B3GALT1: variants seen among roughly 807,000 people sequenced by gnomAD.
B3GALT1 encodes the protein UDP-Gal:betaGlcNAc beta 1,3-galactosyltransferase, polypeptide 1.
A neutral mutation model predicts 23.2 loss-of-function variants in B3GALT1; 10 were observed. That is an observed-to-expected ratio of 0.43 (90% CI 0.27 to 0.73). The LOEUF (loss-of-function observed/expected upper bound fraction) is 0.73, where lower values mean the gene tolerates loss of function less well. B3GALT1 is among the 30% of genes least tolerant of loss of function. The pLI is 0.21. For synonymous variants in B3GALT1, 156 were observed against 141.5 expected (o/e 1.10, Z -0.73); for missense variants, 299 against 405.4 (o/e 0.74, Z 2.25).
chr2:167,384,763 T>C (rs1311335730), intron 1 of B3GALT1, among the ~76,000 whole-genome samples: 1 of 152,142 alleles, frequency 6.6e-6, no homozygotes, highest in African/African-American at 2.4e-5. Context: ...CTTTCTCTCA[T>C]TGAAGCCAGC....
intron 3 of B3GALT1, among the ~76,000 whole-genome samples, chr2:167,729,340 C>G (rs944604011): frequency 6.6e-6 from 1 of 152,186 alleles, no homozygotes; most frequent in African/African-American, 2.4e-5. Flanking sequence ...ATGGCACACT[C>G]ATTACTATGC....
At chr2:167,859,093 CCT>C (rs1690051437) in intron 4 of B3GALT1, among the ~76,000 whole-genome samples, 1 of 152,058 alleles carries the variant, frequency 6.6e-6, no homozygotes, top group African/African-American at 2.4e-5. Flanking sequence ...GGATGTCTTT[CCT>C]CTCATCCTCT....
intron 1 of B3GALT1, among the ~76,000 whole-genome samples, chr2:167,447,873 A>C (rs543414915): frequency 6.7e-4 from 102 of 152,174 alleles, no homozygotes; most frequent in African/African-American, 2.4e-3. Flanking sequence ...ACTGTCTGAC[A>C]AGCCCCAGTG....
At chr2:167,827,390 A>C (rs1048648728) in intron 4 of B3GALT1, among the ~76,000 whole-genome samples, 4 of 152,224 alleles carry the variant, frequency 2.6e-5, no homozygotes, top group African/African-American at 4.8e-5. Context: ...GTCAGTTGGA[A>C]ATATGACGAG....
chr2:167,354,938 T>G lies in B3GALT1; in HGVS notation c.-511+61604T>G, dbSNP rs149729884. On this transcript the variant is annotated intron_variant, in intron 1 of 4. Coordinates refer to ENST00000392690, the MANE Select transcript of B3GALT1 (RefSeq NM_020981.4). ...AGCAAATTGGTTTGCCAGAATGTGC[T>G]ATGCAGAGTCTAGACTGACACCATG... is the stretch of plus-strand genomic sequence containing the variant. Among the ~76,000 whole-genome samples, 1,148 of 152,334 alleles carry G rather than the reference T, an allele frequency of 7.5e-3. 19 individuals carry two copies. Among genetic ancestry groups the G allele is most frequent in the African/African-American group, 0.027 (1,104 of 41,582 alleles).
intron 1 of B3GALT1, among the ~76,000 whole-genome samples, chr2:167,319,762 A>T (rs1014814405): frequency 9.9e-5 from 15 of 152,150 alleles, no homozygotes; most frequent in Admixed American, 9.2e-4. Flanking sequence ...AAAACATCCT[A>T]TTAATGATTT....
At chr2:167,858,287 T>A (rs1280364545) in intron 4 of B3GALT1, among the ~76,000 whole-genome samples, 2 of 149,850 alleles carry the variant, frequency 1.3e-5, no homozygotes, top group South Asian at 2.1e-4. Flanking sequence ...AAGCTTCTTA[T>A]GAAAACGGTC....
chr2:167,807,230 G>T (rs940601186), intron 3 of B3GALT1, among the ~76,000 whole-genome samples: 1 of 151,856 alleles, frequency 6.6e-6, no homozygotes, highest in Non-Finnish European at 1.5e-5. Context: ...TCTTGCTAAC[G>T]GTCTATCAAT....
intron 3 of B3GALT1, among the ~76,000 whole-genome samples, chr2:167,776,884 A>G (rs1033371344): frequency 6.6e-6 from 1 of 152,114 alleles, no homozygotes; most frequent in Admixed American, 6.5e-5. Context: ...TCTTTGAAAA[A>G]AAACCTTACT....
chr2:167,728,639 T>G (rs1405894519), intron 3 of B3GALT1, among the ~76,000 whole-genome samples: 1 of 152,218 alleles, frequency 6.6e-6, no homozygotes, highest in Non-Finnish European at 1.5e-5. Context: ...TGTGAAATAT[T>G]TCCCAGTTTC....
At chr2:167,364,286 A>G (rs547187129) in intron 1 of B3GALT1, among the ~76,000 whole-genome samples, 28 of 151,610 alleles carry the variant, frequency 1.8e-4, no homozygotes, top group Admixed American at 9.8e-4. Context: ...ATAAGCCCAA[A>G]GACAAAAGAT....
intron 3 of B3GALT1, among the ~76,000 whole-genome samples, chr2:167,743,306 A>G (rs1190900386): frequency 6.6e-6 from 1 of 152,126 alleles, no homozygotes; most frequent in African/African-American, 2.4e-5. Context: ...ACAAAATAGT[A>G]ACCAATTTTT....
chr2:167,748,176 A>G (rs1687680733), intron 3 of B3GALT1, among the ~76,000 whole-genome samples: 1 of 152,210 alleles, frequency 6.6e-6, no homozygotes, highest in African/African-American at 2.4e-5. Flanking sequence ...CAGATGAAGC[A>G]CAATGTGATA....
chr2:167,742,917 T>A (rs79917502), intron 3 of B3GALT1, among the ~76,000 whole-genome samples: 7,547 of 152,220 alleles, frequency 0.05, 590 homozygotes, highest in African/African-American at 0.16. Context: ...TTTTATCATT[T>A]ATTTGCTATT....
intron 1 of B3GALT1, among the ~76,000 whole-genome samples, chr2:167,365,473 C>T (rs982492676): frequency 3.3e-5 from 5 of 152,002 alleles, no homozygotes; most frequent in Admixed American, 2.0e-4. Context: ...GCTGCTTCTG[C>T]TGTCATAATG....
chr2:167,855,012 G>A (rs1244213252), intron 4 of B3GALT1, among the ~76,000 whole-genome samples: 1 of 152,142 alleles, frequency 6.6e-6, no homozygotes. Flanking sequence ...TGTCATTACT[G>A]ATTTGGCTTT....
intron 4 of B3GALT1, among the ~76,000 whole-genome samples, chr2:167,827,812 C>T (rs572872729): frequency 6.6e-6 from 1 of 152,284 alleles, no homozygotes; most frequent in South Asian, 2.1e-4. Flanking sequence ...TGAGATTGGC[C>T]ACATCCCAGT....
rs530784685 is a variant in B3GALT1, at chr2:167,696,720, C to T, written c.-352+49754C>T. Reference sequence around the variant, plus strand: ...CAAGCTGGGAATCAAAAGACAAGAACGCATCATGATGTAAATGGTAACATA... The same window carrying T: ...CAAGCTGGGAATCAAAAGACAAGAATGCATCATGATGTAAATGGTAACATA... On this transcript the variant is annotated intron_variant, in intron 3 of 4. Coordinates refer to ENST00000392690, the MANE Select transcript of B3GALT1 (RefSeq NM_020981.4). 2.6e-5 allele frequency among the ~76,000 whole-genome samples: 4 copies of T among 152,206 alleles called. No homozygotes were observed. The South Asian group carries it at 6.2e-4, about 24-fold the overall frequency.
chr2:167,672,930 C>T (rs563898252), intron 3 of B3GALT1, among the ~76,000 whole-genome samples: 1 of 150,898 alleles, frequency 6.6e-6, no homozygotes, highest in African/African-American at 2.4e-5. Context: ...GCCTGTAAAA[C>T]ACCAGTAGAT....
Sources: allele counts gnomAD v4.1 joint callset (sites outside exome capture counted in the v4.1 genomes callset), GRCh38; gene constraint gnomAD v4.1.1; transcripts MANE v1.5; gene names NCBI Gene and HGNC (gene_info 2026-07-23, HGNC 2026-07-21).